Variants in LRRC4C observed in about 807,000 individuals in gnomAD.
The protein encoded by LRRC4C is leucine rich repeat containing 4C, also known as leucine-rich repeat-containing protein 4C.
In LRRC4C, 5 loss-of-function variants were observed where a neutral mutation model predicts 33.6. That is an observed-to-expected ratio of 0.15 (90% CI 0.08 to 0.31). The LOEUF is 0.31. LRRC4C is among the 10% of genes least tolerant of loss of function. LRRC4C has a pLI of 1.00. For synonymous variants in LRRC4C, 329 were observed against 302.0 expected, an observed-to-expected ratio of 1.09 and a Z score of -0.93; for missense variants, 560 against 796.7, an observed-to-expected ratio of 0.70 and a Z score of 3.58.
intron 5 of LRRC4C, among the ~76,000 whole-genome samples, chr11:40,230,588 T>C (rs1312509946): frequency 1.3e-5 from 2 of 152,218 alleles, no homozygotes; most frequent in Non-Finnish European, 2.9e-5. Flanking sequence ...AAACAATTTT[T>C]GTGAGAAGTA....
chr11:40,296,703 T>G (rs1050431044), intron 4 of LRRC4C, among the ~76,000 whole-genome samples: 2 of 152,296 alleles, frequency 1.3e-5, no homozygotes, highest in African/African-American at 2.4e-5. Context: ...AAAGTACACA[T>G]GCAAACCAAA....
intron 1 of LRRC4C, among the ~76,000 whole-genome samples, chr11:41,176,737 C>A (rs888885433): frequency 6.6e-6 from 1 of 151,944 alleles, no homozygotes; most frequent in Non-Finnish European, 1.5e-5. Flanking sequence ...CTGACGCAGG[C>A]GGATTGCCTG....
intron 2 of LRRC4C, among the ~76,000 whole-genome samples, chr11:40,786,984 A>C (rs917410509): frequency 5.3e-5 from 8 of 152,160 alleles, no homozygotes; most frequent in Non-Finnish European, 8.8e-5. Context: ...TATTTCTCTT[A>C]TATAGAAATG....
At chr11:41,181,070 A>G (rs1156830876) in intron 1 of LRRC4C, among the ~76,000 whole-genome samples, 1 of 152,212 alleles carries the variant, frequency 6.6e-6, no homozygotes, top group Non-Finnish European at 1.5e-5. Flanking sequence ...GGAAATATTA[A>G]TAGCCACAGA....
intron 3 of LRRC4C, among the ~76,000 whole-genome samples, chr11:40,448,457 G>A (rs112938555): frequency 1.1e-4 from 17 of 151,836 alleles, no homozygotes; most frequent in African/African-American, 4.1e-4. Context: ...GTGTCCATGT[G>A]TTCTCATTGT....
intron 1 of LRRC4C, among the ~76,000 whole-genome samples, chr11:41,053,086 C>T (rs1251745130): frequency 6.6e-6 from 1 of 152,184 alleles, no homozygotes; most frequent in Non-Finnish European, 1.5e-5. Context: ...TTCATGGACA[C>T]ATGTGACAAA....
intron 3 of LRRC4C, among the ~76,000 whole-genome samples, chr11:40,380,488 T>C (rs1342088532): frequency 6.6e-6 from 1 of 152,174 alleles, no homozygotes; most frequent in East Asian, 1.9e-4. Context: ...TGTCAATTCT[T>C]GTGTACTTAG....
intron 3 of LRRC4C, among the ~76,000 whole-genome samples, chr11:40,336,976 C>CAAAAAAAAAAAAA (rs34144874): frequency 1.3e-5 from 1 of 79,276 alleles, no homozygotes. Context: ...GACTTCGTCT[C>CAAAAAAAAAAAAA]AAAAAAAAAA....
rs111864338 is a variant in LRRC4C, at chr11:40,904,372, A to G, written c.-407+29263T>C. On this transcript the variant is annotated intron_variant, in intron 2 of 6. Transcript: ENST00000528697. Reference sequence around the variant, plus strand: ...TTTTTAGGCTTCCTTATACATAGCAAATAAATAAATAGCACATCTGCTGGC... The same window carrying G: ...TTTTTAGGCTTCCTTATACATAGCAGATAAATAAATAGCACATCTGCTGGC... Among the ~76,000 whole-genome samples, 28 of 152,300 alleles carry G rather than the reference A, an allele frequency of 1.8e-4. 1 individual carries two copies. Among genetic ancestry groups the G allele is most frequent in the African/African-American group, 6.7e-4 (28 of 41,574 alleles).
intron 4 of LRRC4C, among the ~76,000 whole-genome samples, chr11:40,300,137 A>C (rs1467736257): frequency 2.0e-5 from 3 of 152,072 alleles, no homozygotes; most frequent in Non-Finnish European, 4.4e-5. Flanking sequence ...ACTGACTTTT[A>C]AATGACAAGA....
intron 1 of LRRC4C, among the ~76,000 whole-genome samples, chr11:41,371,451 G>A (rs1041449858): frequency 3.3e-5 from 5 of 152,124 alleles, no homozygotes; most frequent in Admixed American, 2.0e-4. Context: ...TGGGCTTTTC[G>A]TGTTAGAAGT....
chr11:41,078,059 C>T (rs773855273), intron 1 of LRRC4C, among the ~76,000 whole-genome samples: 2 of 152,160 alleles, frequency 1.3e-5, no homozygotes, highest in Admixed American at 6.5e-5. Flanking sequence ...GTGTGACCTA[C>T]GTTTCAGTTC....
At chr11:41,235,264 C>T (rs191200770) in intron 1 of LRRC4C, among the ~76,000 whole-genome samples, 16 of 152,046 alleles carry the variant, frequency 1.1e-4, no homozygotes, top group Admixed American at 9.8e-4. Context: ...GCAGAAGACG[C>T]TAAAAAAAAT....
intron 4 of LRRC4C, among the ~76,000 whole-genome samples, chr11:40,304,644 A>C (rs1944938608): frequency 6.6e-6 from 1 of 152,202 alleles, no homozygotes; most frequent in Admixed American, 6.5e-5. Context: ...GCATCTTATT[A>C]TACCAGAAAT....
intron 1 of LRRC4C, among the ~76,000 whole-genome samples, chr11:41,180,356 C>G (rs1351315604): frequency 6.6e-6 from 1 of 152,080 alleles, no homozygotes; most frequent in East Asian, 1.9e-4. Context: ...GATAAAATAA[C>G]AGTAATTTTA....
At chr11:40,389,887 A>G (rs537799962) in intron 3 of LRRC4C, among the ~76,000 whole-genome samples, 207 of 152,332 alleles carry the variant, frequency 1.4e-3, no homozygotes, top group African/African-American at 4.8e-3. Context: ...TTACAATAGG[A>G]TAAGTAGAAA....
At chr11:41,040,895 T>G (rs1857389711) in intron 1 of LRRC4C, among the ~76,000 whole-genome samples, 1 of 152,190 alleles carries the variant, frequency 6.6e-6, no homozygotes, top group African/African-American at 2.4e-5. Flanking sequence ...ACTTTTTTGT[T>G]TGTCTTGATT....
At chr11:41,062,506 T>G (rs1937861682) in intron 1 of LRRC4C, among the ~76,000 whole-genome samples, 5 of 152,178 alleles carry the variant, frequency 3.3e-5, no homozygotes. Context: ...CAACAAATTT[T>G]TTTTTCCAAA....
At chr11:41,191,933 C>G (rs933764143) in intron 1 of LRRC4C, among the ~76,000 whole-genome samples, 1 of 152,152 alleles carries the variant, frequency 6.6e-6, no homozygotes, top group East Asian at 1.9e-4. Flanking sequence ...AATTTCGGTG[C>G]CAAAGGAAGA....
Sources: gnomAD v4.1 joint callset for allele counts (sites outside exome capture counted in the v4.1 genomes callset) on GRCh38, gnomAD v4.1.1 for gene constraint, MANE v1.5 for transcripts, NCBI Gene and HGNC (gene_info 2026-07-23, HGNC 2026-07-21) for gene names.